TACR1: variants seen among roughly 807,000 people sequenced by gnomAD.
The protein encoded by TACR1 is tachykinin receptor 1, also known as substance-P receptor.
TACR1 carries 25 observed loss-of-function variants against 35.8 expected under a neutral mutation model. That is an observed-to-expected ratio of 0.70 (90% CI 0.51 to 0.98). TACR1 has a LOEUF of 0.98. Among genes scored for constraint, TACR1 ranks in the 50% least tolerant of loss-of-function variants. The pLI is 0.00. For synonymous variants in TACR1, 195 were observed against 206.7 expected (o/e 0.94, Z 0.48); for missense variants, 478 against 522.9 (o/e 0.91, Z 0.84).
At chr2:75,132,591 T>G (rs1449430640) in intron 1 of TACR1, among the ~76,000 whole-genome samples, 2 of 152,258 alleles carry the variant, frequency 1.3e-5, no homozygotes, top group Non-Finnish European at 2.9e-5. Flanking sequence ...CTTAAGTCTC[T>G]GGGTTTGCTT....
chr2:75,083,025 C>T (rs917171231), intron 2 of TACR1, among the ~76,000 whole-genome samples: 2 of 152,006 alleles, frequency 1.3e-5, no homozygotes, highest in Non-Finnish European at 2.9e-5. Flanking sequence ...AATGGTATTG[C>T]CTAGGTTTTC....
At chr2:75,126,700 C>A (rs963422793) in intron 1 of TACR1, among the ~76,000 whole-genome samples, 1 of 152,190 alleles carries the variant, frequency 6.6e-6, no homozygotes, top group African/African-American at 2.4e-5. Context: ...ACAGAGCATA[C>A]AGACAGCCTA....
intron 2 of TACR1, among the ~76,000 whole-genome samples, chr2:75,057,127 G>T (rs1460935345): frequency 1.3e-5 from 2 of 152,216 alleles, no homozygotes; most frequent in South Asian, 4.1e-4. Flanking sequence ...TGACCTGCAC[G>T]TATACATCCA....
At chr2:75,059,760 G>A (rs1672636062) in intron 2 of TACR1, among the ~76,000 whole-genome samples, 1 of 152,156 alleles carries the variant, frequency 6.6e-6, no homozygotes, top group Non-Finnish European at 1.5e-5. Flanking sequence ...AGCCCCCTTT[G>A]CATTGAGGGC....
chr2:75,081,413 C>T (rs1239025267), intron 2 of TACR1, among the ~76,000 whole-genome samples: 1 of 152,174 alleles, frequency 6.6e-6, no homozygotes, highest in East Asian at 1.9e-4. Flanking sequence ...TGCTGTTAGA[C>T]AGGGGATGCT....
intron 2 of TACR1, among the ~76,000 whole-genome samples, chr2:75,070,546 A>T (rs1278001229): frequency 6.6e-6 from 1 of 152,252 alleles, no homozygotes; most frequent in East Asian, 1.9e-4. Context: ...CAAAGGTCAC[A>T]CAGCAGACCT....
intron 1 of TACR1, among the ~76,000 whole-genome samples, chr2:75,155,315 G>GGT: frequency 6.6e-6 from 1 of 152,094 alleles, no homozygotes. Flanking sequence ...GCATCATCTG[G>GGT]ATTTAATTTC....
chr2:75,080,346 A>C (rs1189954597), intron 2 of TACR1, among the ~76,000 whole-genome samples: 1 of 152,198 alleles, frequency 6.6e-6, no homozygotes. Flanking sequence ...GCACACACAC[A>C]TGCAGGCATA....
At chr2:75,123,978 A>G (rs1004922098) in intron 1 of TACR1, among the ~76,000 whole-genome samples, 1 of 152,248 alleles carries the variant, frequency 6.6e-6, no homozygotes, top group Non-Finnish European at 1.5e-5. Flanking sequence ...AAATACATTC[A>G]ATAAATATTT....
chr2:75,051,028 G>C, intron 4 of TACR1: 2 of 584,406 alleles, frequency 3.4e-6, no homozygotes, highest in South Asian at 2.1e-5. Context: ...TGGATTTCTG[G>C]TTCCCTTTGG....
intron 2 of TACR1, among the ~76,000 whole-genome samples, chr2:75,092,008 T>C (rs1381071004): frequency 2.0e-5 from 3 of 152,242 alleles, no homozygotes; most frequent in South Asian, 2.1e-4. Context: ...GAGAACTTTA[T>C]ATGAGGAAAT....
chr2:75,097,186 A>G (rs945391745), intron 2 of TACR1, among the ~76,000 whole-genome samples: 1 of 152,332 alleles, frequency 6.6e-6, no homozygotes, highest in Admixed American at 6.5e-5. Context: ...TTAAACAGTC[A>G]ATTAATTTTT....
intron 2 of TACR1, among the ~76,000 whole-genome samples, chr2:75,073,982 AC>A (rs1319631969): frequency 6.6e-6 from 1 of 152,018 alleles, no homozygotes; most frequent in Non-Finnish European, 1.5e-5. Context: ...GGTGGTACCT[AC>A]CCCTCTCATT....
chr2:75,068,116 A>G (rs982368814), intron 2 of TACR1, among the ~76,000 whole-genome samples: 1 of 152,202 alleles, frequency 6.6e-6, no homozygotes, highest in African/African-American at 2.4e-5. Flanking sequence ...GTAGCTATTT[A>G]TCTATCTATT....
rs1243789891 is a variant in TACR1 at position 75,199,461 on chromosome 2, T to TGCTGCC, written c.-533_-528dup. The stretch of plus-strand genomic sequence containing the variant: ...CAGCTGGAGATTTTTCCTTCTCTTT[T>TGCTGCC]GCTGCCGCTGCCGCCGCCTGCAGTT... On this transcript the variant is annotated 5_prime_UTR_variant, in exon 1 of 5. Coordinates refer to ENST00000305249, the MANE Select transcript of TACR1 (RefSeq NM_001058.4). 6.4e-6 allele frequency: 1 copy of TGCTGCC among 155,286 alleles called. No individual in the cohort carries two copies. The highest frequency in any genetic ancestry group is 1.9e-4 in the East Asian group (1 of 5,262). 9.6% of individuals were successfully genotyped at this position (155,286 alleles called of 1,614,324 possible).
chr2:75,088,038 G>A (rs1197530891), intron 2 of TACR1, among the ~76,000 whole-genome samples: 5 of 152,116 alleles, frequency 3.3e-5, no homozygotes, highest in Non-Finnish European at 7.4e-5. Context: ...CCCATGTCTC[G>A]GTCCTCATTT....
chr2:75,097,433 T>C (rs1673445795), intron 2 of TACR1, among the ~76,000 whole-genome samples: 1 of 152,078 alleles, frequency 6.6e-6, no homozygotes, highest in Non-Finnish European at 1.5e-5. Context: ...GTAAAGTACA[T>C]AAGTATTTGG....
intron 1 of TACR1, among the ~76,000 whole-genome samples, chr2:75,196,954 C>T (rs1676010057): frequency 1.3e-5 from 2 of 152,144 alleles, no homozygotes; most frequent in Non-Finnish European, 2.9e-5. Flanking sequence ...ATCATGCTAT[C>T]GACTTTTTTA....
chr2:75,084,637 C>T (rs1265823577), intron 2 of TACR1, among the ~76,000 whole-genome samples: 1 of 152,166 alleles, frequency 6.6e-6, no homozygotes, highest in Non-Finnish European at 1.5e-5. Flanking sequence ...GATTCAACTT[C>T]TTCCTGGTTT....
Sources: gnomAD v4.1 joint callset for allele counts (sites outside exome capture counted in the v4.1 genomes callset) on GRCh38, gnomAD v4.1.1 for gene constraint, MANE v1.5 for transcripts, NCBI Gene and HGNC (gene_info 2026-07-23, HGNC 2026-07-21) for gene names.